The following CNTNAP2 variants were observed in gnomAD, a reference collection of about 807,000 sequenced individuals.
CNTNAP2 encodes the protein contactin-associated protein-like 2.
In CNTNAP2, 98 loss-of-function variants were observed where a neutral mutation model predicts 155.2. That is an observed-to-expected ratio of 0.63 (90% CI 0.54 to 0.75). CNTNAP2 has a LOEUF of 0.75. Among genes scored for constraint, CNTNAP2 ranks in the 30% least tolerant of loss-of-function variants. The pLI is 0.00. For synonymous variants in CNTNAP2, 651 were observed against 631.2 expected (o/e 1.03, Z -0.47); for missense variants, 1,727 against 1,688.1 (o/e 1.02, Z -0.40).
intron 10 of CNTNAP2, among the ~76,000 whole-genome samples, chr7:147,474,224 G>T (rs1370327203): frequency 3.5e-5 from 2 of 57,954 alleles, no homozygotes; most frequent in African/African-American, 1.0e-4. Context: ...CTGGGCCCAA[G>T]GATATGATGG....
At chr7:148,278,913 C>T (rs1340311752) in intron 21 of CNTNAP2, among the ~76,000 whole-genome samples, 1 of 152,142 alleles carries the variant, frequency 6.6e-6, no homozygotes, top group Non-Finnish European at 1.5e-5. Context: ...GCTGGAAAAG[C>T]CTTCCAGGAA....
At chr7:147,326,210 CA>C (rs1196628888) in intron 9 of CNTNAP2, among the ~76,000 whole-genome samples, 1 of 152,222 alleles carries the variant, frequency 6.6e-6, no homozygotes, top group Non-Finnish European at 1.5e-5. Context: ...AGGCGTTAGC[CA>C]CTGCGCCTGG....
At chr7:146,549,958 T>C (rs1798090130) in intron 1 of CNTNAP2, among the ~76,000 whole-genome samples, 1 of 152,066 alleles carries the variant, frequency 6.6e-6, no homozygotes, top group Non-Finnish European at 1.5e-5. Context: ...TTAGTCTCCA[T>C]GTTGTTATTA....
At chr7:146,628,313 G>A (rs559359260) in intron 1 of CNTNAP2, among the ~76,000 whole-genome samples, 22 of 152,124 alleles carry the variant, frequency 1.4e-4, no homozygotes, top group African/African-American at 4.3e-4. Flanking sequence ...TATCATATGC[G>A]GAATCTATGA....
chr7:147,954,574 T>C (rs1800988520), intron 14 of CNTNAP2, among the ~76,000 whole-genome samples: 1 of 152,208 alleles, frequency 6.6e-6, no homozygotes, highest in African/African-American at 2.4e-5. Context: ...TGTTCTTCTA[T>C]ATATTAAGCA....
chr7:146,148,059 G>C (rs1185947644), intron 1 of CNTNAP2, among the ~76,000 whole-genome samples: 2 of 152,062 alleles, frequency 1.3e-5, no homozygotes, highest in African/African-American at 4.8e-5. Context: ...AGGTTATCTA[G>C]TTATATTTTA....
rs575651157 is a variant in CNTNAP2, at chr7:147,393,840, T to C, written c.1499-1769T>C. Among the ~76,000 whole-genome samples the C allele has an allele frequency of 6.6e-5, 10 of 152,206 alleles. No homozygotes were observed. In the South Asian group the frequency reaches 1.9e-3, roughly 28 times the overall value. On this transcript the variant is annotated intron_variant, in intron 9 of 23. Transcript: ENST00000361727. Reference sequence around the variant, plus strand: ...TTATTTTTATACAGTACTGTGTTAATAGGAAATAATATATACCTTTGTGAT... The same window carrying C: ...TTATTTTTATACAGTACTGTGTTAACAGGAAATAATATATACCTTTGTGAT...
At chr7:146,610,932 G>T (rs1799126857) in intron 1 of CNTNAP2, among the ~76,000 whole-genome samples, 1 of 152,126 alleles carries the variant, frequency 6.6e-6, no homozygotes, top group Non-Finnish European at 1.5e-5. Flanking sequence ...GAAAGTATAT[G>T]AATGCAAATG....
At chr7:148,375,068 C>G (rs1343958076) in intron 21 of CNTNAP2, among the ~76,000 whole-genome samples, 1 of 152,104 alleles carries the variant, frequency 6.6e-6, no homozygotes, top group Non-Finnish European at 1.5e-5. Flanking sequence ...CATCTGACAA[C>G]TTGAAACATC....
intron 9 of CNTNAP2, among the ~76,000 whole-genome samples, chr7:147,365,512 T>G (rs1796216272): frequency 6.6e-6 from 1 of 151,998 alleles, no homozygotes. Context: ...TTAATAAATA[T>G]TTTCTACTAT....
Position 147,315,384 on chromosome 7 carries a change from C to G in CNTNAP2, c.1498+15094C>G, listed in dbSNP as rs1795206792. Among the ~76,000 whole-genome samples the G allele has an allele frequency of 2.7e-5, 4 of 150,636 alleles. 1 individual carries two copies. The highest frequency in any genetic ancestry group is 2.6e-4 in the Admixed American group (4 of 15,124). ...ATAGAACCCCAAAACTATTAGAAAT[C>G]ACTCTGAATTCTTCCACAAAACCCC... On this transcript the variant is annotated intron_variant, in intron 9 of 23. Transcript: ENST00000361727.
chr7:147,771,477 C>G (rs142399472), intron 13 of CNTNAP2, among the ~76,000 whole-genome samples: 85 of 152,328 alleles, frequency 5.6e-4, no homozygotes, highest in African/African-American at 2.0e-3. Context: ...TCGTGGGTGA[C>G]ATTTCTAAGG....
chr7:146,775,884 C>A (rs1374126794), intron 2 of CNTNAP2, among the ~76,000 whole-genome samples: 1 of 151,896 alleles, frequency 6.6e-6, no homozygotes, highest in Non-Finnish European at 1.5e-5. Context: ...GGTAGAGGAA[C>A]ATAACAAAAA....
At chr7:146,983,349 C>A (rs1798054217) in intron 3 of CNTNAP2, among the ~76,000 whole-genome samples, 1 of 152,162 alleles carries the variant, frequency 6.6e-6, no homozygotes, top group South Asian at 2.1e-4. Context: ...ATTCCCTAAT[C>A]CTCTGCTCAG....
At chr7:147,169,712 C>T (rs760923135) in intron 8 of CNTNAP2, among the ~76,000 whole-genome samples, 8 of 152,140 alleles carry the variant, frequency 5.3e-5, no homozygotes, top group Non-Finnish European at 1.0e-4. Context: ...AGCCCACAAT[C>T]TGCCAAGACT....
chr7:146,292,072 G>T (rs1386015861), intron 1 of CNTNAP2, among the ~76,000 whole-genome samples: 15 of 152,090 alleles, frequency 9.9e-5, no homozygotes, highest in Admixed American at 9.8e-4. Flanking sequence ...GGGCAAAGGA[G>T]CTGAGTAGAC....
intron 13 of CNTNAP2, among the ~76,000 whole-genome samples, chr7:147,799,547 A>T (rs78798702): frequency 0.034 from 5,198 of 151,924 alleles, 148 homozygotes; most frequent in Non-Finnish European, 0.054. Flanking sequence ...TATTAAATTT[A>T]AAAAAAAGGC....
At chr7:146,396,834 A>G (rs1324872069) in intron 1 of CNTNAP2, among the ~76,000 whole-genome samples, 1 of 151,906 alleles carries the variant, frequency 6.6e-6, no homozygotes, top group African/African-American at 2.4e-5. Flanking sequence ...AAACAAAGAA[A>G]AAAGGTTTTT....
chr7:148,284,257 T>G (rs180965393), intron 21 of CNTNAP2, among the ~76,000 whole-genome samples: 1 of 152,148 alleles, frequency 6.6e-6, no homozygotes, highest in African/African-American at 2.4e-5. Flanking sequence ...TGGGAGATAA[T>G]TGAATCATGG....
Sources: allele counts gnomAD v4.1 joint callset (sites outside exome capture counted in the v4.1 genomes callset), GRCh38; gene constraint gnomAD v4.1.1; transcripts MANE v1.5; gene names NCBI Gene and HGNC (gene_info 2026-07-23, HGNC 2026-07-21).